Variants in ACBD6 observed in about 807,000 individuals in gnomAD.
ACBD6 encodes the protein acyl-CoA-binding domain-containing protein 6.
ACBD6 carries 28 observed loss-of-function variants against 37.2 expected under a neutral mutation model. That is an observed-to-expected ratio of 0.75 (90% CI 0.56 to 1.03). ACBD6 has a LOEUF of 1.03. Ranked by LOEUF, ACBD6 falls within the 50% of genes least tolerant of loss-of-function variation. The probability of loss-of-function intolerance (pLI) is 0.00; values close to 1 mark genes in which losing one functional copy is unlikely to be tolerated. For synonymous variants in ACBD6, 113 were observed against 126.8 expected, an observed-to-expected ratio of 0.89 and a Z score of 0.73; for missense variants, 340 against 337.4, an observed-to-expected ratio of 1.01 and a Z score of -0.06.
chr1:180,385,185 AATAC>A (rs1433863179), intron 6 of ACBD6, among the ~76,000 whole-genome samples: 1 of 151,934 alleles, frequency 6.6e-6, no homozygotes, highest in Non-Finnish European at 1.5e-5. Context: ...GGATACCCCA[AATAC>A]CCTGACTTGA....
chr1:180,410,531 A>G (rs1647810524), intron 5 of ACBD6, among the ~76,000 whole-genome samples: 1 of 152,200 alleles, frequency 6.6e-6, no homozygotes, highest in South Asian at 2.1e-4. Context: ...TAGGGCCCTT[A>G]AAAAGTATGC....
intron 3 of ACBD6, among the ~76,000 whole-genome samples, chr1:180,465,487 C>A (rs965226967): frequency 6.6e-6 from 1 of 152,078 alleles, no homozygotes. Context: ...GTCAACATGA[C>A]CATTATGAAA....
At chr1:180,401,957 G>C (rs1184674953) in intron 5 of ACBD6, among the ~76,000 whole-genome samples, 1 of 152,106 alleles carries the variant, frequency 6.6e-6, no homozygotes, top group Non-Finnish European at 1.5e-5. Context: ...AAATTTGTAA[G>C]AGTTGTCCTG....
chr1:180,326,890 T>C (rs770553689), intron 6 of ACBD6, among the ~76,000 whole-genome samples: 3 of 152,124 alleles, frequency 2.0e-5, no homozygotes, highest in Non-Finnish European at 4.4e-5. Context: ...CTCTGCCCAG[T>C]GCCCTATCCT....
At chr1:180,349,300 C>T (rs1395484312) in intron 6 of ACBD6, among the ~76,000 whole-genome samples, 1 of 151,122 alleles carries the variant, frequency 6.6e-6, no homozygotes, top group African/African-American at 2.4e-5. Flanking sequence ...CGCTCTGTCG[C>T]CCAGGCTGGC....
intron 4 of ACBD6, among the ~76,000 whole-genome samples, chr1:180,420,707 C>A (rs143597399): frequency 6.6e-5 from 10 of 152,258 alleles, no homozygotes; most frequent in Middle Eastern, 3.4e-3. Flanking sequence ...TGGAACCAAT[C>A]CAGAAAAAGG....
intron 7 of ACBD6, among the ~76,000 whole-genome samples, chr1:180,289,826 A>G (rs1343101091): frequency 2.0e-5 from 3 of 152,368 alleles, no homozygotes; most frequent in Non-Finnish European, 4.4e-5. Flanking sequence ...AATACATATG[A>G]TATCATTTCA....
In ACBD6 at chr1:180,295,676, A is replaced by T. The variant is rs573484373; in HGVS notation, c.695-7159T>A. ...CATTATTGTTATTTCTGTTGTGAGG[A>T]TCTATGATAAATGATCTTTGATGTT... On this transcript the variant is annotated intron_variant, in intron 7 of 7. Transcript: ENST00000367595. 2.6e-5 allele frequency among the ~76,000 whole-genome samples: 4 copies of T among 152,160 alleles called. No individual in the cohort carries two copies. The South Asian group carries it at 8.3e-4, about 32-fold the overall frequency.
chr1:180,384,371 GACAA>G (rs1355107379), intron 6 of ACBD6, among the ~76,000 whole-genome samples: 6 of 152,118 alleles, frequency 3.9e-5, no homozygotes, highest in African/African-American at 7.2e-5. Context: ...CTCAAAAGTA[GACAA>G]ACAAATAGCT....
chr1:180,270,707 A>T (rs1648594097), exon 14 of ACBD6: 1 of 156,578 alleles, frequency 6.4e-6, no homozygotes, highest in Non-Finnish European at 1.4e-5. Flanking sequence ...CTCAGTACAC[A>T]TATTTATACA....
chr1:180,419,531 C>T (rs904388328), intron 4 of ACBD6, among the ~76,000 whole-genome samples: 1 of 152,216 alleles, frequency 6.6e-6, no homozygotes, highest in Admixed American at 6.5e-5. Flanking sequence ...TATAAGTTGA[C>T]CCTTAAACAA....
intron 6 of ACBD6, among the ~76,000 whole-genome samples, chr1:180,358,937 G>T (rs557796933): frequency 6.6e-6 from 1 of 152,156 alleles, no homozygotes; most frequent in Non-Finnish European, 1.5e-5. Flanking sequence ...TGCACCAGAA[G>T]TAAACTTTAG....
intron 6 of ACBD6, among the ~76,000 whole-genome samples, chr1:180,374,688 CAA>C (rs982204759): frequency 1.3e-5 from 2 of 152,220 alleles, no homozygotes; most frequent in East Asian, 1.9e-4. Context: ...ATTAAAATCA[CAA>C]AGACACTATG....
chr1:180,447,303 C>T (rs1375221803), intron 3 of ACBD6, among the ~76,000 whole-genome samples: 1 of 151,808 alleles, frequency 6.6e-6, no homozygotes, highest in Non-Finnish European at 1.5e-5. Flanking sequence ...CACTTTACAC[C>T]ACAGAAATAT....
chr1:180,346,341 G>A (rs906511965), intron 6 of ACBD6, among the ~76,000 whole-genome samples: 1 of 152,182 alleles, frequency 6.6e-6, no homozygotes, highest in African/African-American at 2.4e-5. Context: ...CTATTAGAAT[G>A]AGGAAAGTGA....
intron 3 of ACBD6, among the ~76,000 whole-genome samples, chr1:180,479,423 T>C (rs1266710715): frequency 6.6e-6 from 1 of 152,134 alleles, no homozygotes; most frequent in East Asian, 1.9e-4. Context: ...TTCTCATTTA[T>C]ATATATGAGC....
At chr1:180,465,014 C>G (rs904366576) in intron 3 of ACBD6, among the ~76,000 whole-genome samples, 1 of 152,094 alleles carries the variant, frequency 6.6e-6, no homozygotes, top group Non-Finnish European at 1.5e-5. Flanking sequence ...TTCCTTACAT[C>G]GTACACAAAA....
At chr1:180,360,573 A>G (rs939483673) in intron 6 of ACBD6, among the ~76,000 whole-genome samples, 7 of 152,190 alleles carry the variant, frequency 4.6e-5, no homozygotes, top group Admixed American at 3.9e-4. Flanking sequence ...AACAAGCTCT[A>G]TGTAATTCTA....
chr1:180,395,212 A>G (rs1300761942), intron 6 of ACBD6, among the ~76,000 whole-genome samples: 1 of 152,146 alleles, frequency 6.6e-6, no homozygotes, highest in East Asian at 1.9e-4. Flanking sequence ...TATGGTGAGT[A>G]GTGGGCGGGG....
Sources: allele counts gnomAD v4.1 joint callset (sites outside exome capture counted in the v4.1 genomes callset), GRCh38; gene constraint gnomAD v4.1.1; transcripts MANE v1.5; gene names NCBI Gene and HGNC (gene_info 2026-07-23, HGNC 2026-07-21).